SNTG2: variants seen among roughly 807,000 people sequenced by gnomAD.
SNTG2 encodes the protein syntrophin gamma 2, also known as gamma-2-syntrophin.
A neutral mutation model predicts 70.9 loss-of-function variants in SNTG2; 74 were observed. The ratio of observed to expected loss-of-function variants is 1.04; its 90% CI spans 0.86 to 1.27. SNTG2 has a LOEUF of 1.27. Among genes scored for constraint, SNTG2 ranks in the 50% most tolerant of loss-of-function variants. The probability of loss-of-function intolerance (pLI) is 0.00; values close to 1 mark genes in which losing one functional copy is unlikely to be tolerated. For missense variants in SNTG2, 717 were observed against 690.7 expected (o/e 1.04, Z -0.43); for synonymous variants, 278 against 273.8 (o/e 1.02, Z -0.15).
At chr2:1,351,521 A>G (rs1660579711) in intron 16 of SNTG2, among the ~76,000 whole-genome samples, 2 of 152,108 alleles carry the variant, frequency 1.3e-5, no homozygotes, top group Admixed American at 1.3e-4. Context: ...AGATCTTTGA[A>G]TCTAACCCGA....
At chr2:983,205 G>A (rs1393780368) in intron 1 of SNTG2, among the ~76,000 whole-genome samples, 3 of 151,048 alleles carry the variant, frequency 2.0e-5, no homozygotes, top group Non-Finnish European at 4.4e-5. Flanking sequence ...AGAGGTGGTG[G>A]TCAGGATGCA....
At chr2:1,110,632 G>A (rs1377248885) in intron 4 of SNTG2, among the ~76,000 whole-genome samples, 2 of 152,156 alleles carry the variant, frequency 1.3e-5, no homozygotes, top group Non-Finnish European at 2.9e-5. Flanking sequence ...CCTCTTCCCA[G>A]AGCTGGAATC....
chr2:1,170,543 TG>T (rs1213287545), intron 7 of SNTG2, among the ~76,000 whole-genome samples: 4 of 152,192 alleles, frequency 2.6e-5, no homozygotes, highest in Non-Finnish European at 4.4e-5. Context: ...GATCTCCGTC[TG>T]CGCCGGACGT....
intron 14 of SNTG2, among the ~76,000 whole-genome samples, chr2:1,303,928 A>G (rs139572393): frequency 1.6e-3 from 241 of 152,352 alleles, no homozygotes; most frequent in Non-Finnish European, 2.8e-3. Context: ...GTCTTTGGGT[A>G]GCCTTACCAT....
At chr2:1,114,919 G>A (rs1410260967) in intron 4 of SNTG2, among the ~76,000 whole-genome samples, 2 of 135,564 alleles carry the variant, frequency 1.5e-5, no homozygotes, top group East Asian at 4.8e-4. Flanking sequence ...TTTGAGGAGG[G>A]TCTTGTGTAC....
intron 1 of SNTG2, among the ~76,000 whole-genome samples, chr2:1,033,884 C>A (rs1041694641): frequency 6.6e-6 from 1 of 152,180 alleles, no homozygotes. Context: ...CTAACCCCAC[C>A]AGAAACTGAT....
At chr2:1,261,571 C>T (rs887635754) in intron 13 of SNTG2, among the ~76,000 whole-genome samples, 5 of 152,160 alleles carry the variant, frequency 3.3e-5, no homozygotes, top group South Asian at 2.1e-4. Flanking sequence ...AAACAGCTTT[C>T]GTGCAGCATG....
chr2:1,265,957 T>A (rs1484467541), intron 13 of SNTG2, among the ~76,000 whole-genome samples: 1 of 152,106 alleles, frequency 6.6e-6, no homozygotes, highest in Non-Finnish European at 1.5e-5. Context: ...GGGTGCAGCG[T>A]CCCAGGAAGG....
chr2:1,216,301 G>A (rs1352328129), intron 9 of SNTG2, among the ~76,000 whole-genome samples: 2 of 152,196 alleles, frequency 1.3e-5, no homozygotes, highest in African/African-American at 4.8e-5. Context: ...TTCTCTGATG[G>A]CCAGTGATGA....
chr2:963,377 TATCA>T (rs1269002602), intron 1 of SNTG2, among the ~76,000 whole-genome samples: 1 of 152,132 alleles, frequency 6.6e-6, no homozygotes, highest in Non-Finnish European at 1.5e-5. Flanking sequence ...TATTTAACTT[TATCA>T]TATTTATATG....
intron 1 of SNTG2, among the ~76,000 whole-genome samples, chr2:1,065,155 C>G (rs1310820494): frequency 2.6e-5 from 4 of 152,250 alleles, no homozygotes. Flanking sequence ...CCAGTATGAG[C>G]TTGAGAAACA....
At chr2:1,178,917 T>C (rs1671670641) in intron 8 of SNTG2, among the ~76,000 whole-genome samples, 1 of 152,132 alleles carries the variant, frequency 6.6e-6, no homozygotes, top group Non-Finnish European at 1.5e-5. Context: ...AATTCAGCTT[T>C]GAATCCATCT....
At chr2:956,156 C>CCCTGCTCCTGCT (rs769248463) in intron 1 of SNTG2, among the ~76,000 whole-genome samples, 3 of 68,890 alleles carry the variant, frequency 4.4e-5, no homozygotes, top group Non-Finnish European at 8.4e-5. Flanking sequence ...CCGCCCCTGC[C>CCCTGCTCCTGCT]CCTGCCCTGC....
intron 2 of SNTG2, among the ~76,000 whole-genome samples, chr2:1,092,848 C>T (rs962298025): frequency 1.3e-5 from 2 of 152,106 alleles, no homozygotes; most frequent in African/African-American, 4.8e-5. Flanking sequence ...TATAATGATG[C>T]TGCTACCAAG....
chr2:1,312,558 G>T (rs560307691), intron 15 of SNTG2, among the ~76,000 whole-genome samples: 118 of 152,320 alleles, frequency 7.7e-4, no homozygotes, highest in African/African-American at 2.8e-3. Context: ...ATGGAGCCTG[G>T]CCATACGTGT....
chr2:1,224,719 G>A (rs1008565332), intron 9 of SNTG2, among the ~76,000 whole-genome samples: 1 of 152,242 alleles, frequency 6.6e-6, no homozygotes, highest in African/African-American at 2.4e-5. Context: ...GTTTCCTGTT[G>A]TAGAGATTTT....
At chr2:977,300 A>G (rs1005478085) in intron 1 of SNTG2, among the ~76,000 whole-genome samples, 2 of 152,186 alleles carry the variant, frequency 1.3e-5, no homozygotes. Flanking sequence ...GAAGATTTTC[A>G]AACATGTTAG....
intron 14 of SNTG2, among the ~76,000 whole-genome samples, chr2:1,294,659 T>G (rs1020692479): frequency 2.6e-5 from 4 of 152,224 alleles, no homozygotes; most frequent in African/African-American, 9.6e-5. Flanking sequence ...AGCAGGACAT[T>G]GGTCTCCCAA....
At chr2:1,047,563 A>G (rs1661809589) in intron 1 of SNTG2, among the ~76,000 whole-genome samples, 1 of 152,182 alleles carries the variant, frequency 6.6e-6, no homozygotes, top group African/African-American at 2.4e-5. Context: ...TCAGAGGGCC[A>G]AGGCTTTGTG....
Sources: allele counts gnomAD v4.1 joint callset (sites outside exome capture counted in the v4.1 genomes callset), GRCh38; gene constraint gnomAD v4.1.1; transcripts MANE v1.5; gene names NCBI Gene and HGNC (gene_info 2026-07-23, HGNC 2026-07-21).